DPH6: variants seen among roughly 807,000 people sequenced by gnomAD.
The protein encoded by DPH6 is diphthamine biosynthesis 6.
A neutral mutation model predicts 38.2 loss-of-function variants in DPH6; 33 were observed. That is an observed-to-expected ratio of 0.86 (90% CI 0.65 to 1.15). DPH6 has a LOEUF of 1.15. Among genes scored for constraint, DPH6 ranks in the 50% most tolerant of loss-of-function variants. The pLI is 0.00. For synonymous variants in DPH6, 108 were observed against 103.0 expected, an observed-to-expected ratio of 1.05 and a Z score of -0.30; for missense variants, 325 against 320.0, an observed-to-expected ratio of 1.02 and a Z score of -0.12.
At chr15:35,150,079 T>C in the DPH6 span, among the ~76,000 whole-genome samples, 1 of 152,260 alleles carries the variant, frequency 6.6e-6, no homozygotes, top group African/African-American at 2.4e-5. Flanking sequence ...TCTGGTCCAC[T>C]GGGAGTCTTA....
intron 3 of DPH6, among the ~76,000 whole-genome samples, chr15:35,231,792 G>A (rs192877285): frequency 1.7e-4 from 26 of 152,264 alleles, no homozygotes; most frequent in African/African-American, 4.6e-4. Flanking sequence ...GGGAAGAGGA[G>A]CCAGCATGTC....
intron 3 of DPH6, among the ~76,000 whole-genome samples, chr15:35,262,029 T>C (rs935916518): frequency 6.6e-6 from 1 of 152,204 alleles, no homozygotes; most frequent in Non-Finnish European, 1.5e-5. Context: ...TCATGACAAC[T>C]ACTGTGTATG....
chr15:35,166,527 C>T, the DPH6 span, among the ~76,000 whole-genome samples: 2 of 151,862 alleles, frequency 1.3e-5, no homozygotes, highest in African/African-American at 2.4e-5. Context: ...AGATGTTTTT[C>T]CTCTCCCACA....
rs141058954 is a variant in DPH6 at position 35,248,971 on chromosome 15, A to G, written n.201-28389T>C. On this transcript the variant is annotated intron_variant and non_coding_transcript_variant, in intron 3 of 3. Coordinates refer to the DPH6 transcript ENST00000560386. ...TGCTTGCTATAATAACATCTCTAATAAAAATATGTTTAAAGTATCAGCATA... is the reference window on the plus strand; with the variant it reads ...TGCTTGCTATAATAACATCTCTAATGAAAATATGTTTAAAGTATCAGCATA... Among the ~76,000 whole-genome samples, 534 of 152,346 alleles carry G rather than the reference A, an allele frequency of 3.5e-3. 10 individuals carry two copies. The highest frequency in any genetic ancestry group is 0.028 in the Admixed American group (421 of 15,306).
chr15:35,154,104 G>A, the DPH6 span, among the ~76,000 whole-genome samples: 2 of 152,024 alleles, frequency 1.3e-5, no homozygotes, highest in Non-Finnish European at 2.9e-5. Context: ...ATAATTTGGG[G>A]GGCTCTATTG....
At chr15:35,452,451 A>G (rs1048942219) in intron 4 of DPH6, among the ~76,000 whole-genome samples, 2 of 151,034 alleles carry the variant, frequency 1.3e-5, no homozygotes, top group Non-Finnish European at 2.9e-5. Context: ...TAGCATCTGT[A>G]AGGCTGCTTG....
chr15:35,490,001 C>A, intron 3 of DPH6: 1 of 985,246 alleles, frequency 1.0e-6, no homozygotes, highest in African/African-American at 1.7e-5. Flanking sequence ...GAAGAAAACC[C>A]TTTATGTAGA....
chr15:35,476,213 A>AT (rs1174566935), intron 3 of DPH6, among the ~76,000 whole-genome samples: 1 of 151,844 alleles, frequency 6.6e-6, no homozygotes, highest in Non-Finnish European at 1.5e-5. Flanking sequence ...TAGCTGTGGG[A>AT]TTTTAAACAA....
chr15:35,226,089 C>T (rs2051478647), intron 3 of DPH6, among the ~76,000 whole-genome samples: 1 of 151,696 alleles, frequency 6.6e-6, no homozygotes, highest in African/African-American at 2.4e-5. Context: ...AGTCACTGCA[C>T]TCCAGCCTGG....
In DPH6 at chr15:35,426,317, T is replaced by C. The variant is rs148362885; in HGVS notation, c.506-15421A>G. On this transcript the variant is annotated intron_variant, in intron 5 of 8. Transcript: ENST00000256538. ...ATTAAGTAACCTTTTTTAAACAAAA[T>C]AATTATTTGAACAAAGTTCAGGTGT... Among the ~76,000 whole-genome samples, 26 of 151,842 alleles carry C rather than the reference T, an allele frequency of 1.7e-4. 1 individual carries two copies. The East Asian group carries it at 4.8e-3, about 28-fold the overall frequency.
chr15:35,279,048 C>CAA (rs71123126), intron 3 of DPH6, among the ~76,000 whole-genome samples: 5,633 of 70,412 alleles, frequency 0.08, 371 homozygotes, highest in African/African-American at 0.086. Flanking sequence ...GACTCTGTCT[C>CAA]AAAAAAAAAA....
At chr15:35,317,406 GAA>G (rs146843147) in intron 3 of DPH6, among the ~76,000 whole-genome samples, 39,260 of 148,130 alleles carry the variant, frequency 0.27, 5,306 homozygotes, top group South Asian at 0.43. Flanking sequence ...GAAAGAAAAA[GAA>G]AGAAAGAAAG....
At chr15:35,516,601 G>C (rs1405650429) in intron 3 of DPH6, among the ~76,000 whole-genome samples, 1 of 151,922 alleles carries the variant, frequency 6.6e-6, no homozygotes, top group Non-Finnish European at 1.5e-5. Flanking sequence ...AACATTTCTT[G>C]GTAAACACAA....
the DPH6 span, among the ~76,000 whole-genome samples, chr15:35,145,824 A>C: frequency 6.6e-6 from 1 of 152,190 alleles, no homozygotes; most frequent in Non-Finnish European, 1.5e-5. Flanking sequence ...ATATCCATCC[A>C]CTTCTCTCTC....
At chr15:35,388,327 G>C (rs1041112474) in intron 6 of DPH6, among the ~76,000 whole-genome samples, 1 of 152,120 alleles carries the variant, frequency 6.6e-6, no homozygotes, top group Non-Finnish European at 1.5e-5. Context: ...TCTCTGCCAG[G>C]CTTTGGTATC....
intron 3 of DPH6, among the ~76,000 whole-genome samples, chr15:35,241,083 G>A (rs971141524): frequency 1.4e-5 from 2 of 142,148 alleles, no homozygotes; most frequent in Non-Finnish European, 3.1e-5. Flanking sequence ...AGGAATGCCC[G>A]CAGCCCAGGA....
In DPH6 at chr15:35,371,942, C is replaced by A; in HGVS notation, c.*208G>T. ...GTTAACGAAAGAGAAAGAGTGAATT[C>A]CAAGAAAGTTGGCACTATTAATGAA... On this transcript the variant is annotated 3_prime_UTR_variant, in exon 9 of 9. Coordinates refer to ENST00000256538, the MANE Select transcript of DPH6 (RefSeq NM_080650.4). 1 of 1,249,862 alleles carries A rather than the reference C, an allele frequency of 8.0e-7. No homozygotes were observed. 77.4% of individuals were successfully genotyped at this position (1,249,862 alleles called of 1,614,324 possible).
intron 5 of DPH6, among the ~76,000 whole-genome samples, chr15:35,443,528 T>C (rs1024493447): frequency 3.3e-5 from 5 of 152,142 alleles, no homozygotes; most frequent in Admixed American, 2.0e-4. Context: ...AGAGTTTCCT[T>C]GGAAAAGTAA....
intron 6 of DPH6, among the ~76,000 whole-genome samples, chr15:35,396,067 A>G (rs1470005166): frequency 6.6e-6 from 1 of 152,170 alleles, no homozygotes; most frequent in African/African-American, 2.4e-5. Context: ...TAAAAATCTC[A>G]GTAGATACTA....
Sources: allele counts gnomAD v4.1 joint callset (sites outside exome capture counted in the v4.1 genomes callset), GRCh38; gene constraint gnomAD v4.1.1; transcripts MANE v1.5; gene names NCBI Gene and HGNC (gene_info 2026-07-23, HGNC 2026-07-21).